The following ZMPSTE24 variants were observed in gnomAD, a reference collection of about 807,000 sequenced individuals.
ZMPSTE24 encodes CAAX prenyl protease 1 homolog.
In ZMPSTE24, 48 loss-of-function variants were observed where a neutral mutation model predicts 56.7. The ratio of observed to expected loss-of-function variants is 0.85; its 90% confidence interval spans 0.67 to 1.08. The LOEUF is 1.08. Among genes scored for constraint, ZMPSTE24 ranks in the 50% least tolerant of loss-of-function variants. The probability of loss-of-function intolerance (pLI) is 0.00; values close to 1 mark genes in which losing one functional copy is unlikely to be tolerated. For missense variants in ZMPSTE24, 503 were observed against 548.7 expected (o/e 0.92, Z 0.83); for synonymous variants, 172 against 195.2 (o/e 0.88, Z 0.99).
At position 40,269,417 on chromosome 1, in the gene ZMPSTE24, G is replaced by A. The variant is rs1643590747; in HGVS notation, c.475-558G>A. 4.0e-5 allele frequency among the ~76,000 whole-genome samples: 6 copies of A among 151,862 alleles called. No homozygotes were observed. In the South Asian group the frequency reaches 1.2e-3, roughly 32 times the overall value. On this transcript the variant is annotated intron_variant, in intron 4 of 9. Transcript: ENST00000372759. ...TCTTAAAAAAAAAAAAGAAATTTAT[G>A]TTATAAACTCCTTTAGCACTAATAT...
intron 6 of ZMPSTE24, among the ~76,000 whole-genome samples, chr1:40,279,567 A>G (rs1441124102): frequency 6.6e-6 from 1 of 152,208 alleles, no homozygotes; most frequent in Non-Finnish European, 1.5e-5. Flanking sequence ...TTTCTCTTTA[A>G]AAAGTTGTTG....
intron 2 of ZMPSTE24, among the ~76,000 whole-genome samples, chr1:40,264,714 A>G (rs1033898782): frequency 1.3e-5 from 2 of 151,596 alleles, no homozygotes; most frequent in African/African-American, 4.9e-5. Context: ...CATCTTTGCA[A>G]AAAAATTTTT....
chr1:40,287,358 C>T (rs190412204), intron 8 of ZMPSTE24, among the ~76,000 whole-genome samples: 13 of 152,284 alleles, frequency 8.5e-5, no homozygotes, highest in Admixed American at 2.6e-4. Context: ...CATAAGCCAC[C>T]GTGCCCGGTC....
At chr1:40,287,286 C>T (rs1394424599) in intron 8 of ZMPSTE24, among the ~76,000 whole-genome samples, 1 of 151,914 alleles carries the variant, frequency 6.6e-6, no homozygotes, top group Non-Finnish European at 1.5e-5. Flanking sequence ...CCAGGCTGGT[C>T]TTGAACTCCT....
intron 9 of ZMPSTE24, among the ~76,000 whole-genome samples, chr1:40,292,119 G>A (rs1018898072): frequency 6.6e-6 from 1 of 152,062 alleles, no homozygotes; most frequent in Non-Finnish European, 1.5e-5. Context: ...TGGGATTACA[G>A]GTGTGAGGCA....
Position 40,293,284 on chromosome 1 carries a change from A to C in ZMPSTE24, c.*615A>C, listed in dbSNP as rs947314248. On this transcript the variant is annotated 3_prime_UTR_variant, in exon 10 of 10. Transcript: ENST00000372759. ...TCAAGAGTTTCTCATAGTGCTTTGA[A>C]GTTAGAAATTATGTATAGGATATTT... 1 of 152,248 alleles carries C rather than the reference A, an allele frequency of 6.6e-6. No homozygotes were observed. Among genetic ancestry groups the C allele is most frequent in the African/African-American group, 2.4e-5 (1 of 41,462 alleles). The allele number at this position is 152,248 out of a possible 1,614,324, so 9.4% of individuals were successfully genotyped here.
At chr1:40,271,771 G>C (rs1643616257) in intron 5 of ZMPSTE24, 123 bp from the exon 6 acceptor site, 2 of 1,085,156 alleles carry the variant, frequency 1.8e-6, no homozygotes, top group Non-Finnish European at 2.6e-6. Flanking sequence ...ACCAGAGCAA[G>C]TAAGTTCCTT....
At chr1:40,275,767 A>C (rs899725069) in intron 6 of ZMPSTE24, among the ~76,000 whole-genome samples, 6 of 151,718 alleles carry the variant, frequency 4.0e-5, no homozygotes, top group Non-Finnish European at 8.8e-5. Context: ...AAAAAAAAAA[A>C]AAAAAAACAA....
intron 1 of ZMPSTE24, among the ~76,000 whole-genome samples, chr1:40,260,559 A>G (rs973732943): frequency 1.7e-4 from 25 of 151,198 alleles, no homozygotes; most frequent in African/African-American, 6.2e-4. Flanking sequence ...ACATGTAACA[A>G]AGTTGTGATG....
Position 40,270,005 on chromosome 1 carries a change from A to C in ZMPSTE24, c.505A>C (p.Lys169Gln), listed in dbSNP as rs760187495. 7 of 1,613,762 alleles carry C rather than the reference A, an allele frequency of 4.3e-6. No homozygotes were observed. The highest frequency in any genetic ancestry group is 5.9e-6 in the Non-Finnish European group (7 of 1,179,920). Residue 169 changes from lysine (K) to glutamine (Q), a missense_variant, in exon 5 of 10, where the codon AAG becomes CAG. By Grantham distance (53) the Lys-to-Gln change is moderately conservative. Transcript: ENST00000372759. ...TLGFFMKDAI[K>Q]KFVVTQCILL... ...GGGGTTCTTCATGAAAGATGCAATC[A>C]AGAAATTTGTTGTGACTCAGTGTAT...
intron 7 of ZMPSTE24, among the ~76,000 whole-genome samples, chr1:40,282,582 C>T (rs1643741337): frequency 6.6e-6 from 1 of 152,214 alleles, no homozygotes; most frequent in Non-Finnish European, 1.5e-5. Context: ...CCTCAAGTTA[C>T]CCGCCTGCCT....
intron 1 of ZMPSTE24, among the ~76,000 whole-genome samples, chr1:40,259,741 G>T (rs1478963221): frequency 6.6e-6 from 1 of 152,066 alleles, no homozygotes; most frequent in African/African-American, 2.4e-5. Flanking sequence ...CTTCTGAGTT[G>T]CTAGGACCAC....
chr1:40,261,085 GCTTT>G, intron 2 of ZMPSTE24, 100 bp downstream of exon 2: 13 of 1,447,296 alleles, frequency 9.0e-6, no homozygotes, highest in Non-Finnish European at 1.3e-5. Flanking sequence ...GTCCCAGAAT[GCTTT>G]CTTAACCTTT....
At chr1:40,263,994 T>C (rs2124577799) in intron 2 of ZMPSTE24, among the ~76,000 whole-genome samples, 1 of 152,324 alleles carries the variant, frequency 6.6e-6, no homozygotes. Context: ...CATGTTTCTA[T>C]GTGAGCAGTT....
chr1:40,286,151 A>G (rs1006147473), intron 8 of ZMPSTE24, 122 bp downstream of exon 8: 3 of 840,516 alleles, frequency 3.6e-6, no homozygotes, highest in South Asian at 2.9e-5. Context: ...CTGGTTTCCT[A>G]TCACAGCTCC....
At chr1:40,279,166 A>G (rs929002681) in intron 6 of ZMPSTE24, among the ~76,000 whole-genome samples, 6 of 152,248 alleles carry the variant, frequency 3.9e-5, no homozygotes, top group African/African-American at 1.4e-4. Flanking sequence ...GTCTTCTTCC[A>G]GTCTTTATAA....
chr1:40,273,512 T>G (rs1270492956), intron 6 of ZMPSTE24, among the ~76,000 whole-genome samples: 1 of 22,626 alleles, frequency 4.4e-5, no homozygotes, highest in African/African-American at 3.9e-4. Flanking sequence ...AGCCAAATTC[T>G]GTCTAAAAAA....
chr1:40,266,947 C>G (rs1643555395), intron 2 of ZMPSTE24, among the ~76,000 whole-genome samples: 1 of 151,558 alleles, frequency 6.6e-6, no homozygotes, highest in Non-Finnish European at 1.5e-5. Flanking sequence ...TTTTGTATTT[C>G]TTGTAGGGAC....
At chr1:40,273,197 T>TCAA (rs918441999) in intron 6 of ZMPSTE24, among the ~76,000 whole-genome samples, 2 of 151,764 alleles carry the variant, frequency 1.3e-5, no homozygotes, top group Non-Finnish European at 2.9e-5. Context: ...AAAGAATGAA[T>TCAA]CAACAGCAAC....
Sources: allele counts gnomAD v4.1 joint callset (sites outside exome capture counted in the v4.1 genomes callset), GRCh38; gene constraint gnomAD v4.1.1; transcripts MANE v1.5; gene names NCBI Gene and HGNC (gene_info 2026-07-23, HGNC 2026-07-21).